The following DNM3 variants were observed in gnomAD, a reference collection of about 807,000 sequenced individuals.
The protein encoded by DNM3 is dynamin 3, also known as dynamin-3.
Under a neutral mutation model 101.6 loss-of-function variants are expected in DNM3, and 47 were observed. The observed-to-expected ratio is 0.46, with a 90% CI of 0.37 to 0.59. DNM3 has a LOEUF of 0.59. Among genes scored for constraint, DNM3 ranks in the 20% least tolerant of loss-of-function variants. DNM3 has a pLI of 0.00. For synonymous variants in DNM3, 385 were observed against 387.9 expected, an observed-to-expected ratio of 0.99 and a Z score of 0.09; for missense variants, 849 against 1,085.7, an observed-to-expected ratio of 0.78 and a Z score of 3.06.
chr1:172,323,791 C>T (rs1019991948), intron 17 of DNM3, among the ~76,000 whole-genome samples: 8 of 152,066 alleles, frequency 5.3e-5, no homozygotes, highest in Admixed American at 2.0e-4. Context: ...GCTTTGTTGA[C>T]GAAACTGAAC....
chr1:172,025,806 C>G (rs1379522667), intron 4 of DNM3, among the ~76,000 whole-genome samples: 1 of 152,170 alleles, frequency 6.6e-6, no homozygotes, highest in South Asian at 2.1e-4. Flanking sequence ...TGAAGATCAC[C>G]AACCTCAAAG....
chr1:172,033,762 A>T (rs977973416), intron 6 of DNM3, among the ~76,000 whole-genome samples: 4 of 152,122 alleles, frequency 2.6e-5, no homozygotes, highest in Admixed American at 2.0e-4. Context: ...CTCATCTAAG[A>T]TGCTTTTCTA....
At chr1:171,942,951 A>G (rs1273145531) in intron 2 of DNM3, among the ~76,000 whole-genome samples, 1 of 151,998 alleles carries the variant, frequency 6.6e-6, no homozygotes, top group Non-Finnish European at 1.5e-5. Context: ...CATCTCTACA[A>G]ACAGTCAAAA....
At chr1:171,876,518 C>G (rs1223127741) in intron 1 of DNM3, among the ~76,000 whole-genome samples, 1 of 152,116 alleles carries the variant, frequency 6.6e-6, no homozygotes, top group Non-Finnish European at 1.5e-5. Flanking sequence ...CATGCAGCCC[C>G]CTGGACTCTT....
intron 2 of DNM3, among the ~76,000 whole-genome samples, chr1:171,978,363 A>C (rs2044536851): frequency 6.6e-6 from 1 of 152,220 alleles, no homozygotes; most frequent in African/African-American, 2.4e-5. Flanking sequence ...AAGGAGCCAC[A>C]CATGCAGAGA....
chr1:172,132,847 T>G, intron 14 of DNM3: 1 of 763,572 alleles, frequency 1.3e-6, no homozygotes, highest in East Asian at 2.7e-5. Context: ...AAAACCTTTT[T>G]TTAAAAAAGT....
At position 171,921,059 on chromosome 1, in the gene DNM3, G is replaced by T. The variant is rs1449655232; in HGVS notation, c.162-689G>T. On this transcript the variant is annotated intron_variant, in intron 1 of 20. Coordinates refer to ENST00000627582, the MANE Select transcript of DNM3 (RefSeq NM_015569.5). ...CCACCTCAGCCTTCTGGGTAGCTGGGACTAGAGGCCCACGCCACCACGTCT... is the reference window on the plus strand; with the variant it reads ...CCACCTCAGCCTTCTGGGTAGCTGGTACTAGAGGCCCACGCCACCACGTCT... Among the ~76,000 whole-genome samples the T allele has an allele frequency of 2.6e-5, 4 of 151,634 alleles. No individual in the cohort carries two copies. In the East Asian group the frequency reaches 7.7e-4, roughly 29 times the overall value.
intron 12 of DNM3, among the ~76,000 whole-genome samples, chr1:172,086,080 T>C (rs2053511583): frequency 6.6e-6 from 1 of 152,184 alleles, no homozygotes; most frequent in Non-Finnish European, 1.5e-5. Context: ...AATTCCAATG[T>C]TCCAAGCACC....
chr1:171,988,923 C>T, intron 3 of DNM3, 22 bp from the exon 4 acceptor site: 7 of 1,552,802 alleles, frequency 4.5e-6, no homozygotes, highest in Non-Finnish European at 6.1e-6. Flanking sequence ...GTATGTAAGA[C>T]TCCTTTATCC....
At chr1:171,952,545 T>C (rs2042596650) in intron 2 of DNM3, among the ~76,000 whole-genome samples, 1 of 152,094 alleles carries the variant, frequency 6.6e-6, no homozygotes, top group African/African-American at 2.4e-5. Context: ...AGAATTCAAA[T>C]TTTCAGGTTT....
At chr1:172,316,271 C>A (rs910633444) in intron 16 of DNM3, among the ~76,000 whole-genome samples, 1 of 151,924 alleles carries the variant, frequency 6.6e-6, no homozygotes, top group Non-Finnish European at 1.5e-5. Context: ...CCGGTACCAG[C>A]CACTGCAAAA....
intron 14 of DNM3, among the ~76,000 whole-genome samples, chr1:172,237,729 T>G (rs1309936985): frequency 1.3e-5 from 2 of 152,180 alleles, no homozygotes; most frequent in East Asian, 3.8e-4. Context: ...ACATTATGCT[T>G]ATTGTTCTAC....
At position 171,989,014 on chromosome 1, in the gene DNM3, T is replaced by C. The variant is rs561525848; in HGVS notation, c.455T>C (p.Ile152Thr). 3 of 1,609,674 alleles carry C rather than the reference T, an allele frequency of 1.9e-6. No homozygotes were observed. The highest frequency in any genetic ancestry group is 2.5e-6 in the Non-Finnish European group (3 of 1,177,806). ...CCTGTGGGAGATCAGCCACCAGATA[T>C]CGAGTATCAGATCAGAGAAATGATT... The part of the protein sequence containing the change: ...KVPVGDQPPD[I>T]EYQIREMIMQ... Residue 152 changes from isoleucine to threonine, a missense_variant, in exon 4 of 21, where the codon ATC (isoleucine) becomes ACC (threonine). Ile to Thr is a moderately conservative substitution (Grantham distance 89, BLOSUM62 -1). Coordinates refer to ENST00000627582, the MANE Select transcript of DNM3 (RefSeq NM_015569.5).
At chr1:172,077,485 T>A (rs1350617524) in intron 11 of DNM3, among the ~76,000 whole-genome samples, 8 of 152,244 alleles carry the variant, frequency 5.3e-5, no homozygotes, top group Non-Finnish European at 1.0e-4. Context: ...CTGCTTTAAC[T>A]GTGTCGCAGA....
chr1:172,401,805 A>G (rs1017889094), intron 20 of DNM3, among the ~76,000 whole-genome samples: 1 of 152,220 alleles, frequency 6.6e-6, no homozygotes, highest in Admixed American at 6.5e-5. Flanking sequence ...ATAAAATATT[A>G]TCTTCCATGT....
chr1:172,406,924 A>G (rs2070935931), intron 20 of DNM3, among the ~76,000 whole-genome samples: 1 of 151,908 alleles, frequency 6.6e-6, no homozygotes, highest in Non-Finnish European at 1.5e-5. Flanking sequence ...AAAAATGACT[A>G]CCCAAGATAC....
intron 1 of DNM3, among the ~76,000 whole-genome samples, chr1:171,843,042 T>G (rs2031515877): frequency 6.6e-6 from 1 of 152,222 alleles, no homozygotes; most frequent in Non-Finnish European, 1.5e-5. Flanking sequence ...GTTCCTTTTT[T>G]CTTTTTTTGT....
chr1:171,868,791 T>C (rs1011563480), intron 1 of DNM3, among the ~76,000 whole-genome samples: 1 of 149,634 alleles, frequency 6.7e-6, no homozygotes, highest in Non-Finnish European at 1.5e-5. Flanking sequence ...TACAATTTCT[T>C]TTTTTTTTTT....
rs2066538162 is a variant in DNM3, at chr1:172,338,330, A to G, written c.1893+14990A>G. 3.3e-5 allele frequency among the ~76,000 whole-genome samples: 5 copies of G among 152,278 alleles called. No homozygotes were observed. In the South Asian group the frequency reaches 8.3e-4, roughly 25 times the overall value. On this transcript the variant is annotated intron_variant, in intron 17 of 20. Transcript: ENST00000627582. Reference sequence around the variant, plus strand: ...AGTGTAAATTACAAAAGCTATGACTATTTTCCTTCCGTTACCATTGAGGAG... The same window carrying G: ...AGTGTAAATTACAAAAGCTATGACTGTTTTCCTTCCGTTACCATTGAGGAG...
Sources: gnomAD v4.1 joint callset for allele counts (sites outside exome capture counted in the v4.1 genomes callset) on GRCh38, gnomAD v4.1.1 for gene constraint, MANE v1.5 for transcripts, NCBI Gene and HGNC (gene_info 2026-07-23, HGNC 2026-07-21) for gene names.